The following ATP2B2 variants were observed in gnomAD, a reference collection of about 807,000 sequenced individuals.
The protein encoded by ATP2B2 is plasma membrane calcium-transporting ATPase 2.
A neutral mutation model predicts 120.0 loss-of-function variants in ATP2B2; 15 were observed. That is an observed-to-expected ratio of 0.12 (90% CI 0.08 to 0.19). The LOEUF is 0.19. ATP2B2 is among the 10% of genes least tolerant of loss of function. The pLI is 1.00. For synonymous variants in ATP2B2, 694 were observed against 700.3 expected, an observed-to-expected ratio of 0.99 and a Z score of 0.14; for missense variants, 1,045 against 1,719.8, an observed-to-expected ratio of 0.61 and a Z score of 6.94.
intron 2 of ATP2B2, among the ~76,000 whole-genome samples, chr3:10,588,788 G>A (rs941643146): frequency 6.6e-5 from 10 of 152,124 alleles, no homozygotes; most frequent in East Asian, 5.8e-4. Context: ...TTTTACAGAC[G>A]AAGAAAGTGT....
intron 3 of ATP2B2, among the ~76,000 whole-genome samples, chr3:10,409,012 T>C (rs1001932140): frequency 1.3e-5 from 2 of 152,232 alleles, no homozygotes; most frequent in South Asian, 2.1e-4. Context: ...TGGATAATAA[T>C]AGCACCTATC....
intron 1 of ATP2B2, among the ~76,000 whole-genome samples, chr3:10,636,908 C>T (rs1186451839): frequency 6.6e-6 from 1 of 152,148 alleles, no homozygotes; most frequent in Non-Finnish European, 1.5e-5. Flanking sequence ...CTAATCAGGG[C>T]CTGTGTGTGA....
intron 1 of ATP2B2, among the ~76,000 whole-genome samples, chr3:10,663,514 G>C (rs989846159): frequency 6.6e-6 from 1 of 152,148 alleles, no homozygotes; most frequent in Admixed American, 6.5e-5. Context: ...CAGTGGTCCA[G>C]CCCAGGGACC....
intron 2 of ATP2B2, among the ~76,000 whole-genome samples, chr3:10,587,917 C>T (rs751458463): frequency 2.0e-5 from 3 of 152,120 alleles, no homozygotes; most frequent in African/African-American, 4.8e-5. Flanking sequence ...TCTGAGTTTT[C>T]CTCCTTTAAA....
intron 2 of ATP2B2, among the ~76,000 whole-genome samples, chr3:10,441,158 TC>T (rs1192764246): frequency 6.6e-6 from 1 of 152,116 alleles, no homozygotes; most frequent in Admixed American, 6.5e-5. Flanking sequence ...GGTTCCTCCT[TC>T]CTCCCCCTGG....
At chr3:10,664,490 A>C (rs1383204398) in intron 1 of ATP2B2, among the ~76,000 whole-genome samples, 1 of 152,138 alleles carries the variant, frequency 6.6e-6, no homozygotes, top group Non-Finnish European at 1.5e-5. Flanking sequence ...CAGCAACAAC[A>C]GTGTGTCACT....
chr3:10,606,321 G>A (rs1426509888), intron 2 of ATP2B2, among the ~76,000 whole-genome samples: 1 of 152,134 alleles, frequency 6.6e-6, no homozygotes, highest in Non-Finnish European at 1.5e-5. Flanking sequence ...CAGAGTGTAT[G>A]TGAGAGGAGG....
At chr3:10,476,438 G>A (rs1217899557) in intron 1 of ATP2B2, among the ~76,000 whole-genome samples, 2 of 152,220 alleles carry the variant, frequency 1.3e-5, no homozygotes, top group East Asian at 3.8e-4. Flanking sequence ...ATAGCACCAA[G>A]ATGGCAGACC....
At position 10,326,777 on chromosome 3, in the gene ATP2B2, T is replaced by C. The variant is rs528241572; in HGVS notation, c.*2037A>G. ...TCCAGGAGGATTTTGCCAGGTGGGA[T>C]GGGCTGACTTTGAACCCCAAACCCT... On this transcript the variant is annotated 3_prime_UTR_variant, in exon 23 of 23. Coordinates refer to ENST00000360273, the MANE Select transcript of ATP2B2 (RefSeq NM_001001331.4). 1 of 399,016 alleles carries C rather than the reference T, an allele frequency of 2.5e-6. No individual in the cohort carries two copies. The highest frequency in any genetic ancestry group is 1.3e-4 in the South Asian group (1 of 7,848). 24.7% of individuals were successfully genotyped at this position (399,016 alleles called of 1,614,324 possible).
chr3:10,365,157 C>G (rs1055473023), intron 12 of ATP2B2, among the ~76,000 whole-genome samples: 1 of 152,236 alleles, frequency 6.6e-6, no homozygotes, highest in Non-Finnish European at 1.5e-5. Flanking sequence ...GGGCCCTGAG[C>G]CCGCAGAGCA....
intron 2 of ATP2B2, among the ~76,000 whole-genome samples, chr3:10,592,452 T>A (rs887045060): frequency 6.6e-6 from 1 of 152,208 alleles, no homozygotes; most frequent in Non-Finnish European, 1.5e-5. Context: ...ACTCTGCCCA[T>A]CCCAGGTTTG....
intron 2 of ATP2B2, among the ~76,000 whole-genome samples, chr3:10,567,142 C>A (rs1296434457): frequency 6.6e-6 from 1 of 152,226 alleles, no homozygotes. Context: ...TGGTGTCAAT[C>A]TTCCTCCCAA....
intron 2 of ATP2B2, among the ~76,000 whole-genome samples, chr3:10,575,643 C>T (rs970903405): frequency 6.6e-6 from 1 of 152,100 alleles, no homozygotes; most frequent in Admixed American, 6.5e-5. Flanking sequence ...CTCATGCATG[C>T]TAGGTTATGT....
chr3:10,595,288 T>C (rs1404054179), intron 2 of ATP2B2, among the ~76,000 whole-genome samples: 1 of 152,188 alleles, frequency 6.6e-6, no homozygotes, highest in East Asian at 1.9e-4. Context: ...TGCTGGAGGT[T>C]CTCAGGTCAT....
At chr3:10,389,961 G>A (rs1326622823) in intron 5 of ATP2B2, among the ~76,000 whole-genome samples, 1 of 152,124 alleles carries the variant, frequency 6.6e-6, no homozygotes. Context: ...GATTGGTGCT[G>A]GAAGAATCTG....
intron 1 of ATP2B2, among the ~76,000 whole-genome samples, chr3:10,455,300 A>T (rs1212539486): frequency 1.3e-5 from 2 of 152,150 alleles, no homozygotes; most frequent in African/African-American, 4.8e-5. Context: ...GAGGCATCAG[A>T]GTGAGGGTGA....
chr3:10,605,914 G>T (rs1476439893), intron 2 of ATP2B2, among the ~76,000 whole-genome samples: 2 of 152,132 alleles, frequency 1.3e-5, no homozygotes, highest in African/African-American at 4.8e-5. Context: ...CTCCCAAAGT[G>T]CTGTGATTAC....
At chr3:10,587,468 C>T (rs1285418455) in intron 2 of ATP2B2, among the ~76,000 whole-genome samples, 1 of 152,108 alleles carries the variant, frequency 6.6e-6, no homozygotes, top group African/African-American at 2.4e-5. Flanking sequence ...GAACCTTTGC[C>T]TCCCTGGTTC....
At chr3:10,391,045 C>T (rs2061833936) in intron 5 of ATP2B2, among the ~76,000 whole-genome samples, 3 of 152,146 alleles carry the variant, frequency 2.0e-5, no homozygotes, top group African/African-American at 7.2e-5. Context: ...ACTGGAGACT[C>T]TTCAAAGGAG....
Sources: allele counts gnomAD v4.1 joint callset (sites outside exome capture counted in the v4.1 genomes callset), GRCh38; gene constraint gnomAD v4.1.1; transcripts MANE v1.5; gene names NCBI Gene and HGNC (gene_info 2026-07-23, HGNC 2026-07-21).